Variants in ASCC1 observed in about 807,000 individuals in gnomAD.
ASCC1 encodes ASC-1 complex subunit P50.
A neutral mutation model predicts 46.6 loss-of-function variants in ASCC1; 35 were observed. That is an observed-to-expected ratio of 0.75 (90% CI 0.57 to 0.99). The LOEUF (loss-of-function observed/expected upper bound fraction) is 0.99, where lower values mean the gene tolerates loss of function less well. Ranked by LOEUF, ASCC1 falls within the 50% of genes least tolerant of loss-of-function variation. The probability of loss-of-function intolerance (pLI) is 0.00; values close to 1 mark genes in which losing one functional copy is unlikely to be tolerated. For missense variants in ASCC1, 376 were observed against 428.7 expected, an observed-to-expected ratio of 0.88 and a Z score of 1.09; for synonymous variants, 143 against 146.6, an observed-to-expected ratio of 0.98 and a Z score of 0.18.
chr10:72,171,167 T>A (rs1192110621), intron 5 of ASCC1, among the ~76,000 whole-genome samples: 1 of 152,258 alleles, frequency 6.6e-6, no homozygotes, highest in Non-Finnish European at 1.5e-5. Context: ...ACTTCCTGTA[T>A]AAATTCTCTA....
At chr10:72,171,756 T>C (rs532540845) in intron 5 of ASCC1, among the ~76,000 whole-genome samples, 75 of 152,324 alleles carry the variant, frequency 4.9e-4, no homozygotes, top group South Asian at 8.3e-4. Context: ...TCCTTAACTT[T>C]ATCACATCTC....
At chr10:72,216,428 G>A, upstream of ASCC1, 1 of 210,544 alleles carries the variant, frequency 4.7e-6, no homozygotes, top group South Asian at 5.7e-5. Context: ...GGTGTTCTGA[G>A]CGCTCCCCTC....
At chr10:72,170,756 T>G (rs890966961) in intron 5 of ASCC1, among the ~76,000 whole-genome samples, 8 of 152,078 alleles carry the variant, frequency 5.3e-5, no homozygotes, top group Admixed American at 3.3e-4. Flanking sequence ...ATTACTGGAT[T>G]AAGTGACAAA....
chr10:72,145,576 A>C (rs1847530928), intron 7 of ASCC1, among the ~76,000 whole-genome samples: 1 of 152,190 alleles, frequency 6.6e-6, no homozygotes, highest in Non-Finnish European at 1.5e-5. Flanking sequence ...TTTTCTTTTA[A>C]GTTTCATTTA....
rs181221182 is a variant in ASCC1 at position 72,197,697 on chromosome 10, G to A, written c.311-708C>T. ...GAGGTGGGCAGATCACTTGAGGTCA[G>A]GAGTTCAAGACCAGCCTGGCCAATA... On this transcript the variant is annotated intron_variant, in intron 4 of 9. Transcript: ENST00000672957. Among the ~76,000 whole-genome samples, 601 of 151,886 alleles carry A rather than the reference G, an allele frequency of 4.0e-3. 3 individuals are homozygous for A. The highest frequency in any genetic ancestry group is 0.013 in the African/African-American group (547 of 41,440).
At chr10:72,097,531 C>T (rs968359721) in intron 9 of ASCC1, 81 bp from the exon 10 acceptor site, 1 of 828,268 alleles carries the variant, frequency 1.2e-6, no homozygotes, top group Admixed American at 2.0e-5. Context: ...CTTGTAAAAA[C>T]ACCAAACCAC....
rs1841109700 is a variant in ASCC1 at position 72,096,504 on chromosome 10, T to C, written c.*830A>G. 1 of 453,752 alleles carries C rather than the reference T, an allele frequency of 2.2e-6. No homozygotes were observed. The highest frequency in any genetic ancestry group is 2.0e-5 in the African/African-American group (1 of 49,896). 28.1% of individuals were successfully genotyped at this position (453,752 alleles called of 1,614,324 possible). ...AAGAGGACAAACTTTGGTAGGAAAA[T>C]GATAGACCAAGCAAAGTAAAAGGCA... On this transcript the variant is annotated 3_prime_UTR_variant, in exon 10 of 10. Coordinates refer to ENST00000672957, the MANE Select transcript of ASCC1 (RefSeq NM_001198800.3).
intron 9 of ASCC1, among the ~76,000 whole-genome samples, chr10:72,121,517 TA>T (rs1021726905): frequency 1.7e-3 from 220 of 126,400 alleles, no homozygotes; most frequent in Non-Finnish European, 1.8e-3. Context: ...GATGGGTTCT[TA>T]AAAAAAAAAA....
chr10:72,177,443 A>G (rs578217112), intron 5 of ASCC1, among the ~76,000 whole-genome samples: 1 of 152,318 alleles, frequency 6.6e-6, no homozygotes, highest in South Asian at 2.1e-4. Flanking sequence ...TGGAAAAAAA[A>G]TCCTGCCTGA....
chr10:72,166,901 C>T (rs1187206403), intron 5 of ASCC1, among the ~76,000 whole-genome samples: 1 of 152,102 alleles, frequency 6.6e-6, no homozygotes, highest in Non-Finnish European at 1.5e-5. Flanking sequence ...ACCTCACACC[C>T]ATCAGAATTA....
At chr10:72,148,661 C>T (rs981575526) in intron 7 of ASCC1, among the ~76,000 whole-genome samples, 7 of 152,134 alleles carry the variant, frequency 4.6e-5, no homozygotes, top group African/African-American at 1.7e-4. Context: ...ATTTTAAATA[C>T]TGCAAAATAA....
chr10:72,180,364 A>C (rs1852421998), intron 5 of ASCC1, among the ~76,000 whole-genome samples: 1 of 152,136 alleles, frequency 6.6e-6, no homozygotes, highest in South Asian at 2.1e-4. Context: ...GGTGGATCAC[A>C]CCTGTAATCC....
chr10:72,213,376 A>G lies in ASCC1; in HGVS notation c.-33-45T>C, dbSNP rs141335341. On this transcript the variant is annotated intron_variant, in intron 1 of 9. Coordinates refer to ENST00000672957, the MANE Select transcript of ASCC1 (RefSeq NM_001198800.3). ...TCTTACCTTTCTTAGTGAGAATTAA[A>G]ACTCCTATCTCTAGTGTCTGAACCA... is the stretch of plus-strand genomic sequence containing the variant. The G allele has an allele frequency of 7.1e-5, 75 of 1,050,136 alleles. 1 individual carries two copies. The East Asian group carries it at 1.8e-3, about 25-fold the overall frequency. The allele number at this position is 1,050,136 out of a possible 1,614,324, so 65.1% of individuals were successfully genotyped here.
intron 5 of ASCC1, chr10:72,189,983 C>A: frequency 1.3e-6 from 1 of 755,832 alleles, no homozygotes; most frequent in South Asian, 1.3e-5. Flanking sequence ...GAGAAAGAAA[C>A]AGTCTGATGT....
intron 9 of ASCC1, among the ~76,000 whole-genome samples, chr10:72,098,317 T>C (rs973493143): frequency 6.6e-6 from 1 of 152,232 alleles, no homozygotes; most frequent in Non-Finnish European, 1.5e-5. Context: ...TGTTAGGATG[T>C]AGGAATTGCT....
chr10:72,202,721 A>G (rs1183399953), intron 4 of ASCC1, among the ~76,000 whole-genome samples: 3 of 152,186 alleles, frequency 2.0e-5, no homozygotes, highest in Non-Finnish European at 4.4e-5. Flanking sequence ...AATCAAGGGT[A>G]AAAAATTGAG....
intron 4 of ASCC1, among the ~76,000 whole-genome samples, chr10:72,199,796 C>T (rs1034798328): frequency 3.3e-5 from 5 of 152,050 alleles, no homozygotes; most frequent in African/African-American, 1.2e-4. Flanking sequence ...TGCACTGGTG[C>T]GATTGGCTCA....
chr10:72,102,921 G>A (rs1318062632), intron 9 of ASCC1: 1 of 439,178 alleles, frequency 2.3e-6, no homozygotes, highest in Non-Finnish European at 4.5e-6. Context: ...GTTGCAGTGA[G>A]CGGAGATTGC....
intron 5 of ASCC1, among the ~76,000 whole-genome samples, chr10:72,195,003 A>G (rs1855146820): frequency 6.6e-6 from 1 of 151,922 alleles, no homozygotes. Flanking sequence ...CAGCCTCCCA[A>G]AGTGCTGGTA....
Sources: allele counts gnomAD v4.1 joint callset (sites outside exome capture counted in the v4.1 genomes callset), GRCh38; gene constraint gnomAD v4.1.1; transcripts MANE v1.5; gene names NCBI Gene and HGNC (gene_info 2026-07-23, HGNC 2026-07-21).